Variants in CFAP58 observed in about 807,000 individuals in gnomAD.
The protein encoded by CFAP58 is cilia and flagella associated protein 58.
In CFAP58, 88 loss-of-function variants were observed where a neutral mutation model predicts 119.5. That is an observed-to-expected ratio of 0.74 (90% CI 0.62 to 0.88). CFAP58 has a LOEUF of 0.88. Among genes scored for constraint, CFAP58 ranks in the 40% least tolerant of loss-of-function variants. The pLI, the probability that CFAP58 is intolerant of heterozygous loss-of-function variation, is 0.00. For missense variants in CFAP58, 990 were observed against 1,021.2 expected, an observed-to-expected ratio of 0.97 and a Z score of 0.42; for synonymous variants, 365 against 366.3, an observed-to-expected ratio of 1.00 and a Z score of 0.04.
intron 15 of CFAP58, among the ~76,000 whole-genome samples, chr10:104,411,760 CT>C (rs36066957): frequency 0.15 from 22,421 of 146,930 alleles, 1,835 homozygotes; most frequent in Middle Eastern, 0.33. Flanking sequence ...AGGGAAGCAA[CT>C]TTTTTTTTTT....
the CFAP58 span, among the ~76,000 whole-genome samples, chr10:104,342,923 C>T: frequency 4.2e-4 from 63 of 150,642 alleles, no homozygotes; most frequent in African/African-American, 1.4e-3. Flanking sequence ...CCACATCTCA[C>T]GGTTAGGAGC....
Position 104,364,745 on chromosome 10 carries a change from A to G in CFAP58, c.453A>G (p.Leu151=). ...TCTTCCTTTTTAGCATCCGAGATTT[A>G]CTGAGGTTCAAAGAAGAAGTGACAA... The part of the protein sequence containing the change: ...SMDQHSNIRD[L]LRFKEEVTKE... Residue 151 remains leucine (L), a synonymous_variant, in exon 4 of 18, where the codon TTA becomes TTG. Coordinates refer to ENST00000369704, the MANE Select transcript of CFAP58 (RefSeq NM_001008723.2). 6.2e-7 allele frequency: 1 copy of G among 1,613,116 alleles called. No individual in the cohort carries two copies. Among genetic ancestry groups the G allele is most frequent in the Non-Finnish European group, 8.5e-7 (1 of 1,179,542 alleles).
chr10:104,372,306 T>C (rs779661098), intron 7 of CFAP58, among the ~76,000 whole-genome samples: 1 of 152,064 alleles, frequency 6.6e-6, no homozygotes, highest in Non-Finnish European at 1.5e-5. Flanking sequence ...TGAGCTGAGA[T>C]TGTGCCACTG....
intron 15 of CFAP58, among the ~76,000 whole-genome samples, chr10:104,415,712 G>A (rs760460913): frequency 6.6e-6 from 1 of 152,172 alleles, no homozygotes; most frequent in Non-Finnish European, 1.5e-5. Flanking sequence ...TACCAACCAG[G>A]TAGATCCCTT....
At chr10:104,396,410 G>A (rs866503238) in intron 11 of CFAP58, among the ~76,000 whole-genome samples, 100 of 121,732 alleles carry the variant, frequency 8.2e-4, no homozygotes, top group East Asian at 1.7e-3. Context: ...GAGAGAGAGA[G>A]AGAGAGAGAG....
chr10:104,357,958 CATAT>C (rs559084963), intron 1 of CFAP58, among the ~76,000 whole-genome samples: 2 of 112,466 alleles, frequency 1.8e-5, no homozygotes, highest in African/African-American at 9.7e-5. Flanking sequence ...CATATATACA[CATAT>C]ATGTACACAT....
rs868867312 is a variant in CFAP58 at position 104,391,041 on chromosome 10, T to C, written c.1366-1192T>C. ...AAATCATAGCCATCATTAACTCTGA[T>C]AGGGAAAGAATAGAACCAGACTTCT... On this transcript the variant is annotated intron_variant, in intron 9 of 17. Coordinates refer to ENST00000369704, the MANE Select transcript of CFAP58 (RefSeq NM_001008723.2). 4.6e-5 allele frequency among the ~76,000 whole-genome samples: 7 copies of C among 152,314 alleles called. No homozygotes were observed. The Middle Eastern group carries it at 0.014, about 296-fold the overall frequency.
intron 15 of CFAP58, among the ~76,000 whole-genome samples, chr10:104,436,944 G>A (rs1276515332): frequency 1.3e-5 from 2 of 152,128 alleles, no homozygotes; most frequent in South Asian, 2.1e-4. Flanking sequence ...GACTTTGATT[G>A]TATTGTTCTC....
chr10:104,426,157 C>T (rs1205240997), intron 15 of CFAP58, among the ~76,000 whole-genome samples: 2 of 152,096 alleles, frequency 1.3e-5, no homozygotes, highest in Non-Finnish European at 2.9e-5. Context: ...ACCTGATCAC[C>T]CTTGACCAGA....
chr10:104,377,805 A>G (rs1391513296), intron 8 of CFAP58, among the ~76,000 whole-genome samples: 1 of 152,238 alleles, frequency 6.6e-6, no homozygotes, highest in East Asian at 1.9e-4. Flanking sequence ...AGGGAATCTC[A>G]GGAACTTATA....
intron 15 of CFAP58, among the ~76,000 whole-genome samples, chr10:104,415,063 C>A (rs2012527516): frequency 6.6e-6 from 1 of 152,148 alleles, no homozygotes; most frequent in African/African-American, 2.4e-5. Context: ...CTCGTCCCAG[C>A]CTTGAAGGAC....
chr10:104,338,671 G>A, the CFAP58 span, among the ~76,000 whole-genome samples: 1 of 152,126 alleles, frequency 6.6e-6, no homozygotes, highest in African/African-American at 2.4e-5. Flanking sequence ...GGCCAGTGGA[G>A]TAAACTGGAG....
At chr10:104,387,374 C>G (rs2011945407) in intron 9 of CFAP58, among the ~76,000 whole-genome samples, 1 of 152,162 alleles carries the variant, frequency 6.6e-6, no homozygotes, top group Non-Finnish European at 1.5e-5. Context: ...GGAAGGAGAA[C>G]AAGAGACAAA....
At chr10:104,421,919 C>T (rs2012664844) in intron 15 of CFAP58, among the ~76,000 whole-genome samples, 1 of 152,216 alleles carries the variant, frequency 6.6e-6, no homozygotes, top group Non-Finnish European at 1.5e-5. Flanking sequence ...GGTGTGGTGG[C>T]TCACACCTAT....
intron 15 of CFAP58, among the ~76,000 whole-genome samples, chr10:104,410,305 A>G (rs1368094467): frequency 2.6e-5 from 4 of 152,170 alleles, no homozygotes; most frequent in African/African-American, 4.8e-5. Flanking sequence ...TATAGAGTCA[A>G]TTTGTTAAGA....
In CFAP58 at chr10:104,399,509, T is replaced by A; in HGVS notation, c.1815+9T>A. On this transcript the variant is annotated intron_variant, in intron 12 of 17. Coordinates refer to ENST00000369704, the MANE Select transcript of CFAP58 (RefSeq NM_001008723.2). The stretch of plus-strand genomic sequence containing the variant: ...AGAAGGAATTAGACCAGGTAGAGCA[T>A]CTCCTTGTCAGACTTGCAGACCTTG... 1.2e-6 allele frequency: 2 copies of A among 1,612,362 alleles called. No individual in the cohort carries two copies. Among genetic ancestry groups the A allele is most frequent in the Non-Finnish European group, 1.7e-6 (2 of 1,179,186 alleles).
intron 15 of CFAP58, among the ~76,000 whole-genome samples, chr10:104,411,588 T>TGGAC (rs1373661222): frequency 1.3e-5 from 2 of 152,232 alleles, no homozygotes; most frequent in Admixed American, 6.5e-5. Flanking sequence ...GTTAAGGGTA[T>TGGAC]GTCCATTCAT....
intron 15 of CFAP58, among the ~76,000 whole-genome samples, chr10:104,425,394 T>C (rs1466571217): frequency 2.6e-5 from 4 of 152,122 alleles, no homozygotes; most frequent in Non-Finnish European, 5.9e-5. Flanking sequence ...CCTTTAGATA[T>C]ATTTGGTGGG....
intron 15 of CFAP58, among the ~76,000 whole-genome samples, chr10:104,423,022 C>A (rs1416628826): frequency 2.6e-5 from 4 of 151,946 alleles, no homozygotes; most frequent in Admixed American, 6.6e-5. Context: ...TTTTTTTAAT[C>A]CTTTGTTGGA....
Sources: allele counts gnomAD v4.1 joint callset (sites outside exome capture counted in the v4.1 genomes callset), GRCh38; gene constraint gnomAD v4.1.1; transcripts MANE v1.5; gene names NCBI Gene and HGNC (gene_info 2026-07-23, HGNC 2026-07-21).